Variants in OSBPL6 observed in about 807,000 individuals in gnomAD.
The protein encoded by OSBPL6 is oxysterol-binding protein-related protein 6.
OSBPL6 carries 49 observed loss-of-function variants against 125.8 expected under a neutral mutation model. The observed-to-expected ratio is 0.39, with a 90% CI of 0.31 to 0.49. OSBPL6 has a LOEUF of 0.49. Ranked by LOEUF, OSBPL6 falls within the 20% of genes least tolerant of loss-of-function variation. The pLI is 0.88. For missense variants in OSBPL6, 986 were observed against 1,135.4 expected (o/e 0.87, Z 1.89); for synonymous variants, 394 against 391.8 (o/e 1.01, Z -0.07).
chr2:178,204,775 A>G (rs2089445293), intron 1 of OSBPL6, among the ~76,000 whole-genome samples: 1 of 152,190 alleles, frequency 6.6e-6, no homozygotes, highest in Non-Finnish European at 1.5e-5. Context: ...GGTGAAGAGG[A>G]AAGAGCTTAC....
chr2:178,217,808 G>A (rs931306528), intron 1 of OSBPL6, among the ~76,000 whole-genome samples: 1 of 152,156 alleles, frequency 6.6e-6, no homozygotes, highest in Non-Finnish European at 1.5e-5. Context: ...AGATGGAGCC[G>A]CCATCTTGAA....
chr2:178,358,102 G>A (rs1008416029), intron 12 of OSBPL6, among the ~76,000 whole-genome samples: 4 of 152,122 alleles, frequency 2.6e-5, no homozygotes, highest in African/African-American at 7.2e-5. Flanking sequence ...GGCTGGGGGA[G>A]GGATAGCATT....
At chr2:178,250,981 G>A (rs1022467714) in intron 1 of OSBPL6, among the ~76,000 whole-genome samples, 6 of 151,940 alleles carry the variant, frequency 3.9e-5, no homozygotes, top group African/African-American at 1.5e-4. Flanking sequence ...AGAAAAGAAA[G>A]TGTAAACATA....
At chr2:178,330,913 G>T (rs898063890) in intron 5 of OSBPL6, among the ~76,000 whole-genome samples, 1 of 152,144 alleles carries the variant, frequency 6.6e-6, no homozygotes, top group Non-Finnish European at 1.5e-5. Context: ...TCTTGGAGGA[G>T]AAAAAATTGC....
At chr2:178,332,547 A>G in intron 6 of OSBPL6, 94 bp from the exon 7 acceptor site, 1 of 877,092 alleles carries the variant, frequency 1.1e-6, no homozygotes, top group Non-Finnish European at 1.8e-6. Context: ...CTTCCCATAG[A>G]TAAGTTAAAG....
At chr2:178,338,905 G>T in intron 9 of OSBPL6, 86 bp from the exon 10 acceptor site, 1 of 822,248 alleles carries the variant, frequency 1.2e-6, no homozygotes, top group Non-Finnish European at 2.0e-6. Context: ...ACTTATATTT[G>T]CCATAATTTG....
At chr2:178,394,167 C>T (rs1219665762) in intron 23 of OSBPL6, 146 bp from the exon 24 acceptor site, 1 of 1,005,118 alleles carries the variant, frequency 9.9e-7, no homozygotes, top group Non-Finnish European at 1.5e-6. Context: ...CCACTGCACT[C>T]CAGCCTGGCG....
At chr2:178,238,063 C>A (rs1216615893) in intron 1 of OSBPL6, among the ~76,000 whole-genome samples, 1 of 152,210 alleles carries the variant, frequency 6.6e-6, no homozygotes, top group Non-Finnish European at 1.5e-5. Flanking sequence ...TTAACACTGT[C>A]AGCATGTCAT....
chr2:178,204,152 T>C (rs2089413183), intron 1 of OSBPL6, among the ~76,000 whole-genome samples: 1 of 151,512 alleles, frequency 6.6e-6, no homozygotes, highest in Admixed American at 6.6e-5. Flanking sequence ...GCCCCCCGAG[T>C]AGTTGGGACT....
chr2:178,370,481 C>A (rs1693273419), intron 13 of OSBPL6, among the ~76,000 whole-genome samples: 1 of 152,152 alleles, frequency 6.6e-6, no homozygotes, highest in Non-Finnish European at 1.5e-5. Flanking sequence ...ATGGTACTCA[C>A]AATAGATAAG....
intron 3 of OSBPL6, among the ~76,000 whole-genome samples, chr2:178,306,519 A>G (rs1252760393): frequency 2.6e-5 from 4 of 152,150 alleles, no homozygotes; most frequent in Non-Finnish European, 5.9e-5. Flanking sequence ...TAGGGTGGCT[A>G]TGAGAAGCCC....
At chr2:178,382,306 C>G (rs1454106243) in intron 15 of OSBPL6, 114 bp from the exon 16 acceptor site, 19 of 1,314,784 alleles carry the variant, frequency 1.4e-5, no homozygotes, top group Non-Finnish European at 1.7e-5. Context: ...ACTTTTCCCT[C>G]TAGGACCTCT....
At chr2:178,368,097 C>T (rs1559301151) in intron 13 of OSBPL6, among the ~76,000 whole-genome samples, 1 of 152,148 alleles carries the variant, frequency 6.6e-6, no homozygotes, top group Non-Finnish European at 1.5e-5. Flanking sequence ...GACAATACTT[C>T]TCCCAAAGTT....
chr2:178,214,387 C>G (rs984759542), intron 1 of OSBPL6, among the ~76,000 whole-genome samples: 2 of 152,144 alleles, frequency 1.3e-5, no homozygotes, highest in African/African-American at 4.8e-5. Flanking sequence ...GAAACACAAC[C>G]AATAGAAGAT....
intron 1 of OSBPL6, among the ~76,000 whole-genome samples, chr2:178,211,495 T>C (rs1053117748): frequency 6.6e-6 from 1 of 152,176 alleles, no homozygotes; most frequent in South Asian, 2.1e-4. Context: ...CCCCAGGACC[T>C]CCGGTCTCCT....
chr2:178,238,513 C>A (rs1574586706), intron 1 of OSBPL6, among the ~76,000 whole-genome samples: 1 of 152,006 alleles, frequency 6.6e-6, no homozygotes, highest in Non-Finnish European at 1.5e-5. Context: ...GATGAAAGTT[C>A]TTGATTTAAT....
At chr2:178,393,574 T>C (rs1324653883) in intron 23 of OSBPL6, among the ~76,000 whole-genome samples, 2 of 152,222 alleles carry the variant, frequency 1.3e-5, no homozygotes, top group South Asian at 2.1e-4. Flanking sequence ...CCTCTCTCTC[T>C]AGAACATGTT....
chr2:178,282,717 T>A (rs1684322756), intron 1 of OSBPL6, among the ~76,000 whole-genome samples: 1 of 152,194 alleles, frequency 6.6e-6, no homozygotes, highest in African/African-American at 2.4e-5. Context: ...AATGGCATGA[T>A]CTCAGCTCAC....
intron 3 of OSBPL6, among the ~76,000 whole-genome samples, chr2:178,312,127 G>A (rs1427854436): frequency 2.0e-5 from 3 of 150,738 alleles, no homozygotes; most frequent in Non-Finnish European, 4.4e-5. Flanking sequence ...GACTACAGGC[G>A]AGCACCACCA....
Sources: allele counts gnomAD v4.1 joint callset (sites outside exome capture counted in the v4.1 genomes callset), GRCh38; gene constraint gnomAD v4.1.1; transcripts MANE v1.5; gene names NCBI Gene and HGNC (gene_info 2026-07-23, HGNC 2026-07-21).